The following ARHGAP20 variants were observed in gnomAD, a reference collection of about 807,000 sequenced individuals.
ARHGAP20 encodes the protein rho GTPase-activating protein 20.
Under a neutral mutation model 73.7 loss-of-function variants are expected in ARHGAP20, and 34 were observed. That is an observed-to-expected ratio of 0.46 (90% CI 0.35 to 0.61). The LOEUF is 0.61. Ranked by LOEUF, ARHGAP20 falls within the 20% of genes least tolerant of loss-of-function variation. The probability of loss-of-function intolerance (pLI) is 0.00; values close to 1 mark genes in which losing one functional copy is unlikely to be tolerated. For synonymous variants in ARHGAP20, 523 were observed against 518.2 expected, an observed-to-expected ratio of 1.01 and a Z score of -0.13; for missense variants, 1,314 against 1,420.9, an observed-to-expected ratio of 0.92 and a Z score of 1.21.
At chr11:110,675,764 C>T (rs968882348) in intron 2 of ARHGAP20, among the ~76,000 whole-genome samples, 8 of 152,132 alleles carry the variant, frequency 5.3e-5, no homozygotes, top group African/African-American at 1.9e-4. Flanking sequence ...TAGAGGACTC[C>T]TACTTATCCC....
At chr11:110,697,213 G>A (rs947592577) in intron 1 of ARHGAP20, among the ~76,000 whole-genome samples, 30 of 151,356 alleles carry the variant, frequency 2.0e-4, no homozygotes, top group Non-Finnish European at 2.1e-4. Flanking sequence ...CATCAATATT[G>A]TATGTTTCCT....
intron 2 of ARHGAP20, among the ~76,000 whole-genome samples, chr11:110,654,202 A>C (rs958755418): frequency 1.3e-5 from 2 of 152,130 alleles, no homozygotes; most frequent in Non-Finnish European, 2.9e-5. Context: ...TCTGGAACTT[A>C]AAATAAAAAA....
At chr11:110,592,668 AGAAG>A (rs541274232) in intron 9 of ARHGAP20, among the ~76,000 whole-genome samples, 241 of 152,302 alleles carry the variant, frequency 1.6e-3, no homozygotes, top group Middle Eastern at 6.8e-3. Flanking sequence ...AGAAAAAGGA[AGAAG>A]GAAGAGAAGG....
chr11:110,642,527 T>G (rs1949098788), intron 2 of ARHGAP20, among the ~76,000 whole-genome samples: 1 of 152,152 alleles, frequency 6.6e-6, no homozygotes, highest in African/African-American at 2.4e-5. Context: ...AAGCTTTTCC[T>G]GTGTTTATTG....
At chr11:110,615,488 G>T in intron 5 of ARHGAP20, 65 bp downstream of exon 5, 1 of 1,464,974 alleles carries the variant, frequency 6.8e-7, no homozygotes, top group South Asian at 1.2e-5. Context: ...GCACATCTCT[G>T]CAGAAAAGGT....
intron 2 of ARHGAP20, among the ~76,000 whole-genome samples, chr11:110,662,737 T>C (rs1949641813): frequency 1.3e-5 from 2 of 151,938 alleles, no homozygotes. Flanking sequence ...GAAATCAATA[T>C]AAACTCAGTC....
At chr11:110,698,395 T>G (rs1440996787) in intron 1 of ARHGAP20, among the ~76,000 whole-genome samples, 1 of 151,840 alleles carries the variant, frequency 6.6e-6, no homozygotes, top group African/African-American at 2.4e-5. Flanking sequence ...TTCCATTGTG[T>G]CCTTCTCTGA....
intron 9 of ARHGAP20, among the ~76,000 whole-genome samples, chr11:110,603,962 T>C (rs1948165122): frequency 6.6e-6 from 1 of 152,164 alleles, no homozygotes; most frequent in Admixed American, 6.5e-5. Flanking sequence ...CTAAGTGAAA[T>C]GTTATCCCTC....
At chr11:110,596,872 CAA>C (rs992806205) in intron 9 of ARHGAP20, among the ~76,000 whole-genome samples, 5 of 152,054 alleles carry the variant, frequency 3.3e-5, no homozygotes, top group African/African-American at 1.2e-4. Context: ...TTCACAATAG[CAA>C]AGACTTGGAA....
intron 3 of ARHGAP20, among the ~76,000 whole-genome samples, chr11:110,625,020 ATTTTT>A (rs764405846): frequency 0.18 from 22,122 of 125,072 alleles, 2,540 homozygotes; most frequent in African/African-American, 0.35. Flanking sequence ...TTTTTTTTTT[ATTTTT>A]ATTTTTATTT....
intron 3 of ARHGAP20, among the ~76,000 whole-genome samples, chr11:110,624,905 C>T (rs1424001770): frequency 2.0e-5 from 3 of 152,108 alleles, no homozygotes; most frequent in Admixed American, 2.0e-4. Context: ...AAAAACCTAA[C>T]TTCAAATGTA....
intron 14 of ARHGAP20, among the ~76,000 whole-genome samples, chr11:110,581,878 A>G (rs79050706): frequency 0.029 from 4,443 of 150,890 alleles, 218 homozygotes; most frequent in African/African-American, 0.1. Flanking sequence ...ACTGTTTCAT[A>G]GCACACTAGA....
chr11:110,661,247 A>G (rs1001759082), intron 2 of ARHGAP20, among the ~76,000 whole-genome samples: 1 of 152,226 alleles, frequency 6.6e-6, no homozygotes, highest in East Asian at 1.9e-4. Flanking sequence ...AAACATAACC[A>G]TCAACTCATT....
chr11:110,585,020 T>C (rs901147396), intron 12 of ARHGAP20, among the ~76,000 whole-genome samples: 7 of 78,940 alleles, frequency 8.9e-5, no homozygotes, highest in African/African-American at 2.2e-4. Context: ...TATGTGAACA[T>C]ATATGTGAAT....
intron 2 of ARHGAP20, among the ~76,000 whole-genome samples, chr11:110,668,335 G>C (rs866503629): frequency 1.3e-5 from 2 of 152,210 alleles, no homozygotes; most frequent in African/African-American, 4.8e-5. Flanking sequence ...TAAAATAAAG[G>C]TATACAAATT....
At chr11:110,634,384 G>A (rs1948920514) in intron 2 of ARHGAP20, among the ~76,000 whole-genome samples, 1 of 152,016 alleles carries the variant, frequency 6.6e-6, no homozygotes, top group African/African-American at 2.4e-5. Flanking sequence ...CCTGAAGGTA[G>A]GTATTACTAT....
At chr11:110,711,927 C>T (rs1006336417) in intron 1 of ARHGAP20, 200 bp downstream of exon 1, 19 of 1,253,194 alleles carry the variant, frequency 1.5e-5, no homozygotes, top group Non-Finnish European at 4.0e-6. Flanking sequence ...GAGAAGCGGG[C>T]GCTCTGCGGG....
intron 14 of ARHGAP20, among the ~76,000 whole-genome samples, chr11:110,582,062 C>T (rs2134782400): frequency 6.6e-6 from 1 of 152,048 alleles, no homozygotes; most frequent in East Asian, 1.9e-4. Flanking sequence ...AACATCATAC[C>T]ACAGCATGCT....
At chr11:110,641,085 T>C (rs1949068373) in intron 2 of ARHGAP20, among the ~76,000 whole-genome samples, 1 of 151,824 alleles carries the variant, frequency 6.6e-6, no homozygotes, top group Non-Finnish European at 1.5e-5. Flanking sequence ...AAGCAAGAAA[T>C]ATATAAAGGA....
Sources: allele counts gnomAD v4.1 joint callset (sites outside exome capture counted in the v4.1 genomes callset), GRCh38; gene constraint gnomAD v4.1.1; transcripts MANE v1.5; gene names NCBI Gene and HGNC (gene_info 2026-07-23, HGNC 2026-07-21).